Variants in ATP11C observed in about 807,000 individuals in gnomAD.
ATP11C encodes phospholipid-transporting ATPase IG.
A neutral mutation model predicts 97.4 loss-of-function variants in ATP11C; 36 were observed. That is an observed-to-expected ratio of 0.37 (90% CI 0.28 to 0.49). The LOEUF (loss-of-function observed/expected upper bound fraction) is 0.49, where lower values mean the gene tolerates loss of function less well. Ranked by LOEUF, ATP11C falls within the 20% of genes least tolerant of loss-of-function variation. The pLI, the probability that ATP11C is intolerant of heterozygous loss-of-function variation, is 0.98. For synonymous variants in ATP11C, 275 were observed against 290.9 expected, an observed-to-expected ratio of 0.95 and a Z score of 0.56; for missense variants, 730 against 824.6, an observed-to-expected ratio of 0.89 and a Z score of 1.40.
chrX:139,915,803 T>C (rs1421020283), intron 1 of ATP11C, among the ~76,000 whole-genome samples: 1 of 112,378 alleles, frequency 8.9e-6, no homozygotes, highest in Admixed American at 9.4e-5. Context: ...TAATAGCAAA[T>C]TGCTGAAGAA....
intron 2 of ATP11C, among the ~76,000 whole-genome samples, chrX:139,823,242 T>C (rs1188699830): frequency 8.9e-6 from 1 of 111,843 alleles, no homozygotes; most frequent in African/African-American, 3.3e-5. Context: ...ACGCCAGCTT[T>C]CCCGGTACAT....
intron 1 of ATP11C, among the ~76,000 whole-genome samples, chrX:139,844,832 CTCTGAG>C (rs1268502495): frequency 8.9e-6 from 1 of 111,934 alleles, no homozygotes; most frequent in Non-Finnish European, 1.9e-5. Flanking sequence ...AGTTCCCCCT[CTCTGAG>C]TCTGTTTTCC....
chrX:139,910,513 G>A (rs2085056072), intron 1 of ATP11C, among the ~76,000 whole-genome samples: 1 of 109,312 alleles, frequency 9.1e-6, no homozygotes, highest in African/African-American at 3.3e-5. Context: ...GGCTGAGGCT[G>A]GAGAATCGCT....
At chrX:139,755,639 T>C (rs1327776028) in intron 23 of ATP11C, among the ~76,000 whole-genome samples, 1 of 111,063 alleles carries the variant, frequency 9.0e-6, no homozygotes, top group Admixed American at 9.6e-5. Flanking sequence ...AACAGACCAA[T>C]GGAACAGAAT....
intron 5 of ATP11C, among the ~76,000 whole-genome samples, chrX:139,808,217 T>G (rs1218065534): frequency 2.7e-5 from 3 of 110,686 alleles, no homozygotes; most frequent in Non-Finnish European, 5.7e-5. Flanking sequence ...AAAAGGAGTG[T>G]ACTTAAAAAA....
intron 1 of ATP11C, among the ~76,000 whole-genome samples, chrX:139,857,222 A>G: frequency 9.0e-6 from 1 of 111,184 alleles, no homozygotes; most frequent in Non-Finnish European, 1.9e-5. Context: ...ACTATCCTCC[A>G]CCTTATCCAG....
chrX:139,933,204 G>A (rs2085474820), upstream of ATP11C: 1 of 110,705 alleles, frequency 9.0e-6, no homozygotes, highest in Non-Finnish European at 1.9e-5. Flanking sequence ...CCGCGGGCTG[G>A]GAGCTCCCCC....
intron 1 of ATP11C, among the ~76,000 whole-genome samples, chrX:139,909,067 G>A (rs1019045664): frequency 8.9e-6 from 1 of 112,073 alleles, no homozygotes; most frequent in Non-Finnish European, 1.9e-5. Context: ...TGGGCACATG[G>A]AACAATCTGG....
chrX:139,786,337 T>C (rs1250331241), intron 15 of ATP11C, among the ~76,000 whole-genome samples: 2 of 111,721 alleles, frequency 1.8e-5, no homozygotes, highest in Non-Finnish European at 3.8e-5. Context: ...TGCGGGAGTA[T>C]ATGTATAAGA....
At chrX:139,798,465 C>T (rs2082848422) in intron 9 of ATP11C, 111 bp from the exon 10 acceptor site, 3 of 560,152 alleles carry the variant, frequency 5.4e-6, no homozygotes, top group Non-Finnish European at 8.6e-6. Flanking sequence ...GGCCCTCTTC[C>T]ACTCACCAGT....
chrX:139,823,649 A>G (rs779241599), intron 2 of ATP11C, among the ~76,000 whole-genome samples: 25 of 112,253 alleles, frequency 2.2e-4, no homozygotes, highest in South Asian at 7.3e-4. Flanking sequence ...GCAGCAAAAA[A>G]GAAAGAGAAA....
At chrX:139,872,310 T>C (rs2485719) in intron 1 of ATP11C, among the ~76,000 whole-genome samples, 4,053 of 107,354 alleles carry the variant, frequency 0.038, 263 homozygotes, top group African/African-American at 0.13. Context: ...TGGAACTGTA[T>C]CTTCAAAAGC....
intron 1 of ATP11C, among the ~76,000 whole-genome samples, chrX:139,900,293 C>T (rs746154978): frequency 1.0e-5 from 1 of 99,756 alleles, no homozygotes; most frequent in South Asian, 4.8e-4. Context: ...CACCTGATCC[C>T]GGGAGGTGGA....
At chrX:139,793,039 C>A (rs912664954) in intron 12 of ATP11C, among the ~76,000 whole-genome samples, 2 of 111,448 alleles carry the variant, frequency 1.8e-5, no homozygotes, top group Non-Finnish European at 3.8e-5. Context: ...ACTGGGCCCT[C>A]ACCCTGTGGG....
chrX:139,762,285 T>A (rs1475104487), intron 21 of ATP11C, among the ~76,000 whole-genome samples, 179 bp from the exon 22 acceptor site: 2 of 112,239 alleles, frequency 1.8e-5, no homozygotes, highest in Non-Finnish European at 3.8e-5. Flanking sequence ...ATAATTTAAC[T>A]AAGTTTAACT....
chrX:139,769,293 T>C (rs1443705135), intron 19 of ATP11C, among the ~76,000 whole-genome samples: 2 of 57,626 alleles, frequency 3.5e-5, no homozygotes, highest in African/African-American at 8.5e-5. Context: ...TATATATATA[T>C]ATATATATAT....
intron 1 of ATP11C, among the ~76,000 whole-genome samples, chrX:139,827,470 T>G (rs974913541): frequency 8.9e-6 from 1 of 111,945 alleles, no homozygotes; most frequent in South Asian, 3.8e-4. Context: ...TTTACATTTT[T>G]AATAAGTAGA....
intron 5 of ATP11C, 40 bp downstream of exon 5, chrX:139,814,838 A>G (rs369219057): frequency 2.5e-6 from 2 of 815,308 alleles, no homozygotes; most frequent in Non-Finnish European, 3.5e-6. Context: ...AAAATGGTGT[A>G]TTTTTACCAT....
chrX:139,857,786 T>A (rs780910768), intron 1 of ATP11C, among the ~76,000 whole-genome samples: 1 of 107,101 alleles, frequency 9.3e-6, no homozygotes, highest in Admixed American at 9.8e-5. Flanking sequence ...AGAAAATTTT[T>A]AAATTAAAAA....
Sources: allele counts gnomAD v4.1 joint callset (sites outside exome capture counted in the v4.1 genomes callset), GRCh38; gene constraint gnomAD v4.1.1; transcripts MANE v1.5; gene names NCBI Gene and HGNC (gene_info 2026-07-23, HGNC 2026-07-21).